The following TNPO3 variants were observed in gnomAD, a reference collection of about 807,000 sequenced individuals.
The protein encoded by TNPO3 is transportin 3.
A neutral mutation model predicts 122.8 loss-of-function variants in TNPO3; 65 were observed. That is an observed-to-expected ratio of 0.53 (90% confidence interval 0.43 to 0.65). TNPO3 has a LOEUF of 0.65. Ranked by LOEUF, TNPO3 falls within the 30% of genes least tolerant of loss-of-function variation. TNPO3 has a pLI of 0.00. For synonymous variants in TNPO3, 372 were observed against 411.2 expected, an observed-to-expected ratio of 0.90 and a Z score of 1.15; for missense variants, 850 against 1,136.7, an observed-to-expected ratio of 0.75 and a Z score of 3.63.
chr7:128,986,559 A>C (rs923767739), intron 12 of TNPO3, among the ~76,000 whole-genome samples, 170 bp downstream of exon 12: 16 of 152,240 alleles, frequency 1.1e-4, no homozygotes, highest in Non-Finnish European at 1.5e-4. Flanking sequence ...AAAAGAATGC[A>C]TGTACATATA....
At position 129,017,058 on chromosome 7, in the gene TNPO3, T is replaced by C. The variant is rs761441200; in HGVS notation, c.322-2A>G. On this transcript the variant is annotated splice_acceptor_variant, in intron 2 of 22. Transcript: ENST00000265388. LOFTEE classifies it high-confidence loss of function. ...AAGATCTGCTATTGCTAAAGCCAGCTGAATAAGAGAGATTAAATAAATGAA... is the reference window on the plus strand; with the variant it reads ...AAGATCTGCTATTGCTAAAGCCAGCCGAATAAGAGAGATTAAATAAATGAA... The C allele has an allele frequency of 6.2e-7, 1 of 1,610,816 alleles. No homozygotes were observed. Among genetic ancestry groups the C allele is most frequent in the Admixed American group, 1.7e-5 (1 of 60,016 alleles).
chr7:129,000,649 T>A, intron 6 of TNPO3, 82 bp from the exon 7 acceptor site: 1 of 1,385,706 alleles, frequency 7.2e-7, no homozygotes, highest in South Asian at 1.3e-5. Context: ...ATCAAATAAA[T>A]AAAAGGTTCC....
intron 9 of TNPO3, among the ~76,000 whole-genome samples, chr7:128,992,623 T>A (rs542511807): frequency 6.6e-6 from 1 of 152,274 alleles, no homozygotes; most frequent in East Asian, 1.9e-4. Flanking sequence ...CTCAGAGATG[T>A]TCTGGTCCAC....
At chr7:129,056,108 C>G (rs1809430104), upstream of TNPO3, 1 of 1,104,844 alleles carries the variant, frequency 9.1e-7, no homozygotes, top group Non-Finnish European at 1.4e-6. Flanking sequence ...GCACTCAGAA[C>G]GCGGCCACTG....
chr7:128,997,546 A>C lies in TNPO3; in HGVS notation c.1012-11T>G. 1 of 1,608,730 alleles carries C rather than the reference A, an allele frequency of 6.2e-7. No individual in the cohort carries two copies. The highest frequency in any genetic ancestry group is 8.5e-7 in the Non-Finnish European group (1 of 1,175,498). On this transcript the variant is annotated splice_polypyrimidine_tract_variant and intron_variant, in intron 7 of 22. Coordinates refer to ENST00000265388, the MANE Select transcript of TNPO3 (RefSeq NM_012470.4). ...TGAAATTTCTACTACCTGTTAGGTT[A>C]AAAGAGATGATTTATTTGAATGGGA...
At chr7:129,001,941 A>G (rs746287423) in intron 5 of TNPO3, among the ~76,000 whole-genome samples, 1 of 152,242 alleles carries the variant, frequency 6.6e-6, no homozygotes, top group Non-Finnish European at 1.5e-5. Flanking sequence ...GAAAGGGCTC[A>G]ACAAGTATCA....
At chr7:128,994,302 C>T (rs1363054677) in intron 8 of TNPO3, among the ~76,000 whole-genome samples, 2 of 152,018 alleles carry the variant, frequency 1.3e-5, no homozygotes, top group African/African-American at 2.4e-5. Context: ...GGATTACAGA[C>T]ACACGCCACC....
chr7:129,035,089 A>C (rs1342845604), intron 1 of TNPO3, among the ~76,000 whole-genome samples: 1 of 151,328 alleles, frequency 6.6e-6, no homozygotes, highest in Non-Finnish European at 1.5e-5. Context: ...CCTGGCTAAC[A>C]TGGTGAAACC....
At chr7:129,032,621 T>A (rs1454096886) in intron 1 of TNPO3, among the ~76,000 whole-genome samples, 1 of 152,038 alleles carries the variant, frequency 6.6e-6, no homozygotes, top group African/African-American at 2.4e-5. Context: ...TAAAAACGAA[T>A]AAAATACTCA....
chr7:129,054,504 G>T, intron 1 of TNPO3, 147 bp downstream of exon 1: 1 of 1,292,822 alleles, frequency 7.7e-7, no homozygotes, highest in Non-Finnish European at 1.0e-6. Flanking sequence ...CGGCAAAGAT[G>T]TAGCTTCGCA....
intron 1 of TNPO3, among the ~76,000 whole-genome samples, chr7:129,026,910 A>G (rs1805252077): frequency 6.6e-6 from 1 of 152,036 alleles, no homozygotes; most frequent in East Asian, 1.9e-4. Flanking sequence ...TGCCTACCTC[A>G]GCCTCCTGCA....
chr7:128,965,031 G>T (rs1480840445), intron 21 of TNPO3, among the ~76,000 whole-genome samples: 1 of 152,042 alleles, frequency 6.6e-6, no homozygotes. Context: ...ATGAAATCTG[G>T]CAATGATTTC....
At position 129,051,524 on chromosome 7, in the gene TNPO3, A is replaced by G. The variant is rs867630023; in HGVS notation, c.120+3127T>C. Among the ~76,000 whole-genome samples the G allele has an allele frequency of 1.3e-4, 19 of 151,952 alleles. 1 individual carries two copies. Among genetic ancestry groups the G allele is most frequent in the African/African-American group, 4.1e-4 (17 of 41,366 alleles). ...CTAATTTTCCTATTTTTTTGTAGAA[A>G]TGAGGTCTCGCTATGTTGCCCAGGC... On this transcript the variant is annotated intron_variant, in intron 1 of 22. Coordinates refer to ENST00000265388, the MANE Select transcript of TNPO3 (RefSeq NM_012470.4).
chr7:129,027,580 A>AAC (rs1297438785), intron 1 of TNPO3, among the ~76,000 whole-genome samples: 2 of 138,202 alleles, frequency 1.4e-5, no homozygotes, highest in African/African-American at 5.3e-5. Context: ...AAAAAAAAAA[A>AAC]AAAAAAAAAA....
Position 129,054,930 on chromosome 7 carries a change from G to T in TNPO3, c.-160C>A. 2.2e-6 allele frequency: 2 copies of T among 902,662 alleles called. No homozygotes were observed. Among genetic ancestry groups the T allele is most frequent in the Non-Finnish European group, 1.6e-6 (1 of 606,888 alleles). 55.9% of individuals were successfully genotyped at this position (902,662 alleles called of 1,614,324 possible). ...GTTACCAGGGCAGAAGGCTCTCCGT[G>T]GAAGTTGCCCCCTCGGAAACAGCTA... On this transcript the variant is annotated 5_prime_UTR_variant, in exon 1 of 23. Transcript: ENST00000265388.
At chr7:128,969,140 G>T (rs886897865) in intron 20 of TNPO3, among the ~76,000 whole-genome samples, 19 of 152,128 alleles carry the variant, frequency 1.2e-4, no homozygotes, top group African/African-American at 3.6e-4. Context: ...TTACAATCAA[G>T]AATGTTTTCA....
intron 21 of TNPO3, among the ~76,000 whole-genome samples, chr7:128,962,327 T>TGCAGTCC (rs1797541578): frequency 7.2e-6 from 1 of 139,836 alleles, no homozygotes; most frequent in African/African-American, 2.7e-5. Context: ...ATTGCGCCAC[T>TGCAGTCC]GCAGTCCGCA....
intron 4 of TNPO3, 55 bp downstream of exon 4, chr7:129,014,924 A>C (rs1803659803): frequency 6.6e-7 from 1 of 1,511,640 alleles, no homozygotes; most frequent in Admixed American, 2.6e-5. Flanking sequence ...ATTACAAAAT[A>C]ACCGCCATGG....
In TNPO3 at chr7:129,000,352, G is replaced by A. The variant is rs553465432; in HGVS notation, c.1011+77C>T. The A allele has an allele frequency of 1.8e-5, 24 of 1,367,346 alleles. No individual in the cohort carries two copies. In the Admixed American group the frequency reaches 2.7e-4, roughly 15 times the overall value. The allele number at this position is 1,367,346 out of a possible 1,614,324, so 84.7% of individuals were successfully genotyped here. A position where few individuals can be genotyped will look rare whatever the true frequency, so the allele number is the denominator to read the frequency against. Reference sequence around the variant, plus strand: ...TAATTTCTCAACAATAAAAATTTGGGCACGAGGTAATGAAATATAGATAAT... The same window carrying A: ...TAATTTCTCAACAATAAAAATTTGGACACGAGGTAATGAAATATAGATAAT... On this transcript the variant is annotated intron_variant, in intron 7 of 22. Transcript: ENST00000265388.
Sources: allele counts gnomAD v4.1 joint callset (sites outside exome capture counted in the v4.1 genomes callset), GRCh38; gene constraint gnomAD v4.1.1; transcripts MANE v1.5; gene names NCBI Gene and HGNC (gene_info 2026-07-23, HGNC 2026-07-21).